STON2: variants seen among roughly 807,000 people sequenced by gnomAD.
The protein encoded by STON2 is stonin-2.
STON2 carries 29 observed loss-of-function variants against 65.7 expected under a neutral mutation model. The observed-to-expected ratio is 0.44, with a 90% CI of 0.33 to 0.60. The LOEUF is 0.60. Ranked by LOEUF, STON2 falls within the 20% of genes least tolerant of loss-of-function variation. The pLI is 0.03. For missense variants in STON2, 1,054 were observed against 1,118.1 expected, an observed-to-expected ratio of 0.94 and a Z score of 0.82; for synonymous variants, 404 against 414.2, an observed-to-expected ratio of 0.98 and a Z score of 0.30.
chr14:81,302,470 C>T (rs748224940), intron 5 of STON2, among the ~76,000 whole-genome samples: 1 of 152,190 alleles, frequency 6.6e-6, no homozygotes, highest in Non-Finnish European at 1.5e-5. Flanking sequence ...AATGTTAAAG[C>T]ATTTATGCAA....
At chr14:81,307,701 G>A (rs1896236549) in intron 5 of STON2, among the ~76,000 whole-genome samples, 1 of 152,188 alleles carries the variant, frequency 6.6e-6, no homozygotes. Flanking sequence ...CAATGTGAAG[G>A]AGACGAGGAT....
chr14:81,430,583 T>C (rs750467551), intron 1 of STON2, among the ~76,000 whole-genome samples: 1 of 152,170 alleles, frequency 6.6e-6, no homozygotes, highest in Non-Finnish European at 1.5e-5. Flanking sequence ...TTGTACACTA[T>C]GAATGAAAAA....
chr14:81,409,518 A>G (rs1901049390), intron 2 of STON2, among the ~76,000 whole-genome samples: 1 of 152,088 alleles, frequency 6.6e-6, no homozygotes, highest in East Asian at 1.9e-4. Flanking sequence ...CCAGTTACCA[A>G]AAATTACAAT....
chr14:81,337,766 G>C (rs1897431318), intron 4 of STON2, among the ~76,000 whole-genome samples: 1 of 152,076 alleles, frequency 6.6e-6, no homozygotes, highest in Non-Finnish European at 1.5e-5. Context: ...TCCTACCTTG[G>C]GGAGTCACTG....
intron 2 of STON2, among the ~76,000 whole-genome samples, chr14:81,423,344 T>TA (rs1901807407): frequency 6.6e-6 from 1 of 152,124 alleles, no homozygotes; most frequent in South Asian, 2.1e-4. Flanking sequence ...TCTGGAAAAA[T>TA]ACACATACAT....
chr14:81,418,220 CACATCTT>C (rs1467859115), intron 2 of STON2: 1 of 152,758 alleles, frequency 6.5e-6, no homozygotes, highest in Non-Finnish European at 1.5e-5. Context: ...AGGAGCAAGT[CACATCTT>C]ACATGGATGG....
intron 4 of STON2, among the ~76,000 whole-genome samples, chr14:81,357,180 A>T (rs1366297599): frequency 6.6e-6 from 1 of 151,744 alleles, no homozygotes; most frequent in Non-Finnish European, 1.5e-5. Flanking sequence ...CAGAATCTAC[A>T]ATGAACTCAA....
At chr14:81,425,412 C>A (rs6574654) in intron 2 of STON2, among the ~76,000 whole-genome samples, 43,397 of 151,880 alleles carry the variant, frequency 0.29, 9,400 homozygotes, top group African/African-American at 0.59. Context: ...ATCTCCACTA[C>A]CAACACAAAA....
intron 4 of STON2, among the ~76,000 whole-genome samples, chr14:81,341,464 T>G (rs1208848122): frequency 6.8e-6 from 1 of 147,820 alleles, no homozygotes; most frequent in East Asian, 2.0e-4. Context: ...TTTGTTTTTT[T>G]TTTTTCCCAA....
chr14:81,309,056 A>G (rs1896321819), intron 5 of STON2, among the ~76,000 whole-genome samples: 1 of 146,214 alleles, frequency 6.8e-6, no homozygotes. Flanking sequence ...CCCTGCTTCT[A>G]TGAGAATGGA....
intron 7 of STON2, chr14:81,269,679 C>A (rs577019657): frequency 1.0e-6 from 1 of 985,192 alleles, no homozygotes; most frequent in Non-Finnish European, 1.2e-6. Flanking sequence ...TTTAGAGGAA[C>A]AATAAATCAC....
intron 4 of STON2, among the ~76,000 whole-genome samples, chr14:81,334,999 G>A (rs917416589): frequency 2.2e-5 from 3 of 135,036 alleles, no homozygotes; most frequent in Non-Finnish European, 3.1e-5. Context: ...CACCACGCCT[G>A]GCTAATTTTT....
chr14:81,333,366 G>A, intron 4 of STON2: 1 of 481,388 alleles, frequency 2.1e-6, no homozygotes, highest in South Asian at 2.8e-5. Context: ...ATTCATGATG[G>A]CGGTCTATCC....
chr14:81,374,408 AAAT>A (rs778405637), intron 3 of STON2, among the ~76,000 whole-genome samples: 4 of 152,246 alleles, frequency 2.6e-5, no homozygotes, highest in Admixed American at 6.5e-5. Context: ...AAAAAATAAT[AAAT>A]AATAAATAAA....
At chr14:81,422,365 T>A (rs1415826265) in intron 2 of STON2, among the ~76,000 whole-genome samples, 4 of 152,230 alleles carry the variant, frequency 2.6e-5, no homozygotes, top group Non-Finnish European at 4.4e-5. Flanking sequence ...CCATCCTGAG[T>A]GGAACCAACC....
chr14:81,362,420 G>A (rs1481011791), intron 4 of STON2, among the ~76,000 whole-genome samples: 1 of 152,158 alleles, frequency 6.6e-6, no homozygotes, highest in Non-Finnish European at 1.5e-5. Context: ...CTTATATGTG[G>A]AATGTAGAAC....
chr14:81,352,148 A>G (rs8008024), intron 4 of STON2, among the ~76,000 whole-genome samples: 41,827 of 152,050 alleles, frequency 0.28, 6,305 homozygotes, highest in East Asian at 0.4. Context: ...TAGTATTACC[A>G]TAATAACTAT....
chr14:81,264,621 C>T lies in STON2; in HGVS notation c.*3793G>A, dbSNP rs1402929245. 2 of 984,906 alleles carry T rather than the reference C, an allele frequency of 2.0e-6. No individual in the cohort carries two copies. Among genetic ancestry groups the T allele is most frequent in the South Asian group, 4.7e-5 (1 of 21,274 alleles). The allele number at this position is 984,906 out of a possible 1,614,324, so 61.0% of individuals were successfully genotyped here. ...AGGGAAATAAACTCTTACTCCCAGC[C>T]ACTGGATTTGAATAGAAATCAGTCT... is the stretch of plus-strand genomic sequence containing the variant. On this transcript the variant is annotated 3_prime_UTR_variant, in exon 8 of 8. Coordinates refer to ENST00000614646, the MANE Select transcript of STON2 (RefSeq NM_001394390.1).
chr14:81,369,640 G>C (rs896366831), intron 4 of STON2, among the ~76,000 whole-genome samples: 2 of 152,130 alleles, frequency 1.3e-5, no homozygotes, highest in African/African-American at 4.8e-5. Flanking sequence ...AACTTGGTGA[G>C]GTATACCCAT....
Sources: gnomAD v4.1 joint callset for allele counts (sites outside exome capture counted in the v4.1 genomes callset) on GRCh38, gnomAD v4.1.1 for gene constraint, MANE v1.5 for transcripts, NCBI Gene and HGNC (gene_info 2026-07-23, HGNC 2026-07-21) for gene names.